AFF2: variants seen among roughly 807,000 people sequenced by gnomAD.
AFF2 encodes AF4/FMR2 family member 2.
A neutral mutation model predicts 76.9 loss-of-function variants in AFF2; 14 were observed. The observed-to-expected ratio is 0.18, with a 90% CI of 0.12 to 0.28. The LOEUF (loss-of-function observed/expected upper bound fraction) is 0.28. AFF2 is among the 10% of genes least tolerant of loss of function. The probability of loss-of-function intolerance (pLI) is 1.00; values close to 1 mark genes in which losing one functional copy is unlikely to be tolerated. For synonymous variants in AFF2, 398 were observed against 366.7 expected (o/e 1.09, Z -0.98); for missense variants, 868 against 1,001.1 (o/e 0.87, Z 1.79).
At chrX:148,922,760 A>T (rs1475032256) in intron 9 of AFF2, among the ~76,000 whole-genome samples, 2 of 111,559 alleles carry the variant, frequency 1.8e-5, no homozygotes, top group Non-Finnish European at 3.8e-5. Flanking sequence ...ACTTATCAGG[A>T]TGTTCTCAGC....
chrX:148,553,492 T>TA (rs781985234), intron 1 of AFF2, among the ~76,000 whole-genome samples: 1 of 111,834 alleles, frequency 8.9e-6, no homozygotes, highest in Non-Finnish European at 1.9e-5. Context: ...ATGCCAATAT[T>TA]AAAAAAATTG....
At chrX:148,720,253 T>C (rs2055075236) in intron 3 of AFF2, among the ~76,000 whole-genome samples, 1 of 110,624 alleles carries the variant, frequency 9.0e-6, no homozygotes, top group South Asian at 3.8e-4. Flanking sequence ...TATAGAAATG[T>C]AGGTCTAGTT....
At chrX:148,661,415 T>C (rs1421360909) in intron 2 of AFF2, among the ~76,000 whole-genome samples, 1 of 112,129 alleles carries the variant, frequency 8.9e-6, no homozygotes, top group Non-Finnish European at 1.9e-5. Context: ...ATAGTCATGG[T>C]AGCACAATTT....
At chrX:148,911,860 A>G (rs1268697451) in intron 9 of AFF2, among the ~76,000 whole-genome samples, 7 of 112,189 alleles carry the variant, frequency 6.2e-5, no homozygotes, top group African/African-American at 1.9e-4. Flanking sequence ...CAGAATTACT[A>G]TTCGGCCCAA....
rs376134557 is a variant in AFF2 at position 148,652,088 on chromosome X, C to T, written c.137C>T (p.Ser46Leu). 8.3e-7 allele frequency: 1 copy of T among 1,204,073 alleles called. No homozygotes were observed. Among genetic ancestry groups the T allele is most frequent in the African/African-American group, 1.7e-5 (1 of 57,628 alleles). ...CAGCAAGAAGACGATCTCTTTTCTT[C>T]AGGCTTTGATCTTTTTGGGGAGCCA... Reference protein sequence around the residue: ...EVQQEDDLFSSGFDLFGEPYK... With the variant: ...EVQQEDDLFSLGFDLFGEPYK... Residue 46 changes from serine (S) to leucine (L), a missense_variant, in exon 2 of 21, where the codon TCA becomes TTA. This residue lies in a region of AFF2 where 196 missense variants were observed against 194.8 expected (regional missense o/e 1.01). Coordinates refer to ENST00000370460, the MANE Select transcript of AFF2 (RefSeq NM_002025.4).
At chrX:148,632,122 TAATC>T (rs1569552381) in intron 1 of AFF2, among the ~76,000 whole-genome samples, 1 of 112,144 alleles carries the variant, frequency 8.9e-6, no homozygotes, top group Non-Finnish European at 1.9e-5. Context: ...GTTAACTTAA[TAATC>T]AAATAAATAC....
intron 3 of AFF2, among the ~76,000 whole-genome samples, chrX:148,737,130 TG>T (rs2055294234): frequency 9.0e-6 from 1 of 111,400 alleles, no homozygotes; most frequent in Admixed American, 9.5e-5. Flanking sequence ...ATTTTAGAAT[TG>T]TTTTTTTCTA....
At chrX:148,536,364 G>T (rs1007603787) in intron 1 of AFF2, among the ~76,000 whole-genome samples, 5 of 111,349 alleles carry the variant, frequency 4.5e-5, no homozygotes, top group Non-Finnish European at 9.4e-5. Flanking sequence ...GAGGGCTGGG[G>T]GTGCCTGGTT....
At chrX:148,862,177 A>G (rs1322624102) in intron 7 of AFF2, among the ~76,000 whole-genome samples, 1 of 111,241 alleles carries the variant, frequency 9.0e-6, no homozygotes, top group Non-Finnish European at 1.9e-5. Context: ...TATTGCCAAG[A>G]GAGATAATAG....
At chrX:148,884,684 G>A (rs782716500) in intron 7 of AFF2, among the ~76,000 whole-genome samples, 15 of 112,593 alleles carry the variant, frequency 1.3e-4, no homozygotes, top group Non-Finnish European at 2.3e-4. Flanking sequence ...ACAGTGAGGT[G>A]AAAATGCTGC....
chrX:148,708,203 C>G (rs1349141189), intron 3 of AFF2, among the ~76,000 whole-genome samples: 2 of 111,462 alleles, frequency 1.8e-5, no homozygotes, highest in Admixed American at 9.6e-5. Context: ...AGCTTGTTTG[C>G]AAATGTGCAC....
intron 3 of AFF2, among the ~76,000 whole-genome samples, chrX:148,782,720 T>C (rs1001266519): frequency 9.0e-6 from 1 of 111,643 alleles, no homozygotes; most frequent in African/African-American, 3.3e-5. Flanking sequence ...TTTAGCCTAA[T>C]TGGTACTAAT....
intron 3 of AFF2, among the ~76,000 whole-genome samples, chrX:148,762,534 A>G (rs1227329687): frequency 9.5e-6 from 1 of 105,650 alleles, no homozygotes; most frequent in East Asian, 2.9e-4. Context: ...TTATGCATTC[A>G]TTGATTCATG....
intron 3 of AFF2, among the ~76,000 whole-genome samples, chrX:148,803,782 G>C (rs1359489206): frequency 9.0e-6 from 1 of 111,017 alleles, no homozygotes; most frequent in Non-Finnish European, 1.9e-5. Context: ...CATACCTAAT[G>C]TAATCACTGA....
intron 4 of AFF2, among the ~76,000 whole-genome samples, chrX:148,835,438 T>C (rs1464070669): frequency 5.4e-5 from 6 of 110,115 alleles, no homozygotes; most frequent in African/African-American, 2.0e-4. Context: ...ATATACATTG[T>C]GGAATGATTA....
chrX:148,786,582 T>G lies in AFF2; in HGVS notation c.1042-23294T>G. On this transcript the variant is annotated intron_variant, in intron 3 of 20. Transcript: ENST00000370460. ...TATCCCCTTCCCTCTATGCGTATCT[T>G]TGTATACATTTCTACATTTTATAAG... 2.7e-5 allele frequency among the ~76,000 whole-genome samples: 3 copies of G among 111,528 alleles called. 1 individual carries two copies. The Middle Eastern group carries it at 0.014, about 516-fold the overall frequency.
At chrX:148,851,471 G>T (rs1205665731) in intron 7 of AFF2, among the ~76,000 whole-genome samples, 2 of 111,903 alleles carry the variant, frequency 1.8e-5, no homozygotes, top group African/African-American at 6.5e-5. Context: ...TATTTTCTTT[G>T]CTACCCTGTG....
chrX:148,529,574 G>C (rs992363874), intron 1 of AFF2, among the ~76,000 whole-genome samples: 1 of 111,959 alleles, frequency 8.9e-6, no homozygotes, highest in East Asian at 2.8e-4. Context: ...AATTGGATGC[G>C]TGTTTGTCCA....
chrX:148,623,390 C>T (rs1361618818), intron 1 of AFF2, among the ~76,000 whole-genome samples: 3 of 110,434 alleles, frequency 2.7e-5, no homozygotes, highest in Non-Finnish European at 5.7e-5. Context: ...AATTGGTGTG[C>T]CTTAAAAAAG....
Sources: allele counts gnomAD v4.1 joint callset (sites outside exome capture counted in the v4.1 genomes callset), GRCh38; gene constraint gnomAD v4.1.1; regional missense constraint gnomAD v4.1.1; transcripts MANE v1.5; gene names NCBI Gene and HGNC (gene_info 2026-07-23, HGNC 2026-07-21).